Variants in ALPK2 observed in about 807,000 individuals in gnomAD.
ALPK2 encodes alpha kinase 2.
In ALPK2, 127 loss-of-function variants were observed where a neutral mutation model predicts 163.1. The ratio of observed to expected loss-of-function variants is 0.78; its 90% CI spans 0.67 to 0.90. The LOEUF (loss-of-function observed/expected upper bound fraction) is 0.90. Among genes scored for constraint, ALPK2 ranks in the 40% least tolerant of loss-of-function variants. ALPK2 has a pLI of 0.00. For missense variants in ALPK2, 2,360 were observed against 2,589.6 expected, an observed-to-expected ratio of 0.91 and a Z score of 1.92; for synonymous variants, 953 against 959.1, an observed-to-expected ratio of 0.99 and a Z score of 0.12.
At chr18:58,595,267 G>A (rs765101738) in intron 3 of ALPK2, among the ~76,000 whole-genome samples, 6 of 152,158 alleles carry the variant, frequency 3.9e-5, no homozygotes, top group African/African-American at 7.2e-5. Context: ...AGTTCCTGGT[G>A]TGTTAAATGT....
intron 4 of ALPK2, 80 bp downstream of exon 4, chr18:58,578,734 A>ACACACACGCGCGCG: frequency 2.5e-6 from 1 of 396,576 alleles, no homozygotes; most frequent in Admixed American, 5.7e-5. Context: ...AAAGGAAGAG[A>ACACACACGCGCGCG]CACACACACA....
At chr18:58,496,092 T>C (rs1421463634) in intron 12 of ALPK2, among the ~76,000 whole-genome samples, 1 of 152,160 alleles carries the variant, frequency 6.6e-6, no homozygotes, top group African/African-American at 2.4e-5. Flanking sequence ...GCGTATGGGA[T>C]GTGAGGACAT....
At chr18:58,542,999 A>G (rs543949632) in intron 4 of ALPK2, among the ~76,000 whole-genome samples, 2 of 152,324 alleles carry the variant, frequency 1.3e-5, no homozygotes, top group African/African-American at 4.8e-5. Flanking sequence ...CGATTGAATC[A>G]TGGGAGCTCT....
intron 1 of ALPK2, among the ~76,000 whole-genome samples, chr18:58,624,655 T>C (rs1232738049): frequency 2.0e-5 from 3 of 152,166 alleles, no homozygotes; most frequent in African/African-American, 7.2e-5. Context: ...GGTTTCACCA[T>C]GTTGGCCAAG....
chr18:58,616,096 G>A (rs898762635), intron 1 of ALPK2, among the ~76,000 whole-genome samples: 5 of 152,212 alleles, frequency 3.3e-5, no homozygotes, highest in African/African-American at 4.8e-5. Context: ...TATTAGTGGA[G>A]GAGTTTGTGG....
intron 6 of ALPK2, among the ~76,000 whole-genome samples, chr18:58,525,779 G>A (rs1161483485): frequency 6.6e-6 from 1 of 152,092 alleles, no homozygotes; most frequent in Non-Finnish European, 1.5e-5. Flanking sequence ...AAGCTTCAGC[G>A]AAAAGCCCAG....
chr18:58,515,545 G>C (rs998722327), intron 9 of ALPK2, among the ~76,000 whole-genome samples: 2 of 152,234 alleles, frequency 1.3e-5, no homozygotes, highest in African/African-American at 4.8e-5. Context: ...ATCCTATGCT[G>C]TGGGGCTTTT....
At chr18:58,573,318 G>C (rs988150898) in intron 4 of ALPK2, among the ~76,000 whole-genome samples, 2 of 139,054 alleles carry the variant, frequency 1.4e-5, no homozygotes, top group Non-Finnish European at 3.1e-5. Context: ...ATATATGTGT[G>C]TATATATGTA....
chr18:58,537,095 T>C lies in ALPK2; in HGVS notation c.3092A>G (p.Lys1031Arg), dbSNP rs1445511013. 6 of 1,614,104 alleles carry C rather than the reference T, an allele frequency of 3.7e-6. No individual in the cohort carries two copies. Among genetic ancestry groups the C allele is most frequent in the Non-Finnish European group, 5.1e-6 (6 of 1,180,042 alleles). Reference sequence around the variant, plus strand: ...CCTCTCCTCAGTGCCACCTGCATGCTTGTCCTCAGGAATTGACACAGCAAG... The same window carrying C: ...CCTCTCCTCAGTGCCACCTGCATGCCTGTCCTCAGGAATTGACACAGCAAG... ...KYLAVSIPED[K>R]HAGGTEERFP... The change falls in exon 5 of 13, where the codon AAG (lysine) becomes AGG (arginine). Residue 1031 changes from lysine (K) to arginine (R), a missense_variant. Coordinates refer to ENST00000361673, the MANE Select transcript of ALPK2 (RefSeq NM_052947.4).
rs375463388 is a variant in ALPK2, at chr18:58,607,308, G to A, written c.227+14C>T. On this transcript the variant is annotated intron_variant, in intron 3 of 12. Coordinates refer to ENST00000361673, the MANE Select transcript of ALPK2 (RefSeq NM_052947.4). ...GGATATTAGTAAACAGTCCACAGGG[G>A]TATAGCCACTTACCAAGAGAGATGT... The A allele has an allele frequency of 6.4e-7, 1 of 1,562,052 alleles. No homozygotes were observed. Among genetic ancestry groups the A allele is most frequent in the East Asian group, 2.2e-5 (1 of 44,562 alleles).
At chr18:58,518,456 T>C (rs1030913900) in intron 8 of ALPK2, among the ~76,000 whole-genome samples, 1 of 152,178 alleles carries the variant, frequency 6.6e-6, no homozygotes, top group South Asian at 2.1e-4. Flanking sequence ...TCCTAGCATT[T>C]TCACAAAGGC....
At chr18:58,600,777 T>G (rs1468863637) in intron 3 of ALPK2, 1 of 152,192 alleles carries the variant, frequency 6.6e-6, no homozygotes, top group Non-Finnish European at 1.5e-5. Flanking sequence ...TGTGTCTGGG[T>G]GAGCACTCTC....
intron 3 of ALPK2, among the ~76,000 whole-genome samples, chr18:58,588,390 G>A (rs527854332): frequency 6.6e-6 from 1 of 152,238 alleles, no homozygotes; most frequent in East Asian, 1.9e-4. Flanking sequence ...ACAGTGAAAA[G>A]GGCAAATAAT....
intron 5 of ALPK2, among the ~76,000 whole-genome samples, chr18:58,530,873 A>G (rs566352554): frequency 6.6e-6 from 1 of 152,296 alleles, no homozygotes; most frequent in South Asian, 2.1e-4. Flanking sequence ...CGGTGAATAA[A>G]AAGTTTCTGT....
intron 3 of ALPK2, among the ~76,000 whole-genome samples, chr18:58,606,633 C>G (rs1307284937): frequency 3.3e-5 from 5 of 152,138 alleles, no homozygotes; most frequent in Non-Finnish European, 7.3e-5. Flanking sequence ...CACTCCCATG[C>G]CTACCAGTCA....
Position 58,579,619 on chromosome 18 carries a change from C to T in ALPK2, c.1157G>A (p.Arg386Gln), listed in dbSNP as rs764190677. ...HFLSGMGCGS[R>Q]VSGDAGPMVA... ...CATAGGCCCAGCGTCACCCGACACC[C>T]GAGACCCACAACCCATTCCACTGAG... is the stretch of plus-strand genomic sequence containing the variant. The change falls in exon 4 of 13, where the codon CGG becomes CAG. Residue 386 changes from arginine to glutamine, a missense_variant. By Grantham distance (43) the Arg-to-Gln change is conservative. Transcript: ENST00000361673. The T allele has an allele frequency of 1.1e-5, 17 of 1,613,808 alleles. No individual in the cohort carries two copies. The highest frequency in any genetic ancestry group is 1.0e-4 in the Admixed American group (6 of 59,988).
intron 4 of ALPK2, chr18:58,566,802 G>A (rs1336787361): frequency 6.6e-6 from 1 of 152,194 alleles, no homozygotes; most frequent in East Asian, 1.9e-4. Context: ...CCAGTCACGA[G>A]TTTTTGTTTT....
chr18:58,622,122 A>G (rs1389375083), intron 1 of ALPK2, among the ~76,000 whole-genome samples: 2 of 151,970 alleles, frequency 1.3e-5, no homozygotes, highest in African/African-American at 4.8e-5. Flanking sequence ...CGAGGCAGGC[A>G]GATCACCTGA....
At chr18:58,549,277 C>A (rs2051737071) in intron 4 of ALPK2, among the ~76,000 whole-genome samples, 1 of 152,148 alleles carries the variant, frequency 6.6e-6, no homozygotes, top group Admixed American at 6.6e-5. Context: ...CTATAAATTG[C>A]AAGGTACAAC....
Sources: allele counts gnomAD v4.1 joint callset (sites outside exome capture counted in the v4.1 genomes callset), GRCh38; gene constraint gnomAD v4.1.1; transcripts MANE v1.5; gene names NCBI Gene and HGNC (gene_info 2026-07-23, HGNC 2026-07-21).